Variants in PRKG1 observed in about 807,000 individuals in gnomAD.
PRKG1 encodes protein kinase cGMP-dependent 1.
In PRKG1, 35 loss-of-function variants were observed where a neutral mutation model predicts 88.1. The observed-to-expected ratio is 0.40, with a 90% CI of 0.30 to 0.53. The LOEUF is 0.53. Among genes scored for constraint, PRKG1 ranks in the 20% least tolerant of loss-of-function variants. PRKG1 has a pLI of 0.59. For missense variants in PRKG1, 540 were observed against 839.8 expected (o/e 0.64, Z 4.41); for synonymous variants, 303 against 292.5 (o/e 1.04, Z -0.37).
intron 3 of PRKG1, among the ~76,000 whole-genome samples, chr10:51,657,165 C>T (rs1322482960): frequency 6.6e-6 from 1 of 152,022 alleles, no homozygotes; most frequent in African/African-American, 2.4e-5. Context: ...ATGTTGTTTC[C>T]TCCATTTGAA....
chr10:51,935,036 C>T (rs1382294306), intron 5 of PRKG1, among the ~76,000 whole-genome samples: 2 of 152,064 alleles, frequency 1.3e-5, no homozygotes, highest in African/African-American at 4.8e-5. Flanking sequence ...GAACTGGTGA[C>T]ACTGTACTCA....
At chr10:51,970,932 C>T (rs1438976087) in intron 5 of PRKG1, among the ~76,000 whole-genome samples, 1 of 150,540 alleles carries the variant, frequency 6.6e-6, no homozygotes, top group Non-Finnish European at 1.5e-5. Context: ...TCATAAATGC[C>T]AAAAGCTAGA....
At chr10:51,887,462 TCTA>T (rs1841600612) in intron 4 of PRKG1, among the ~76,000 whole-genome samples, 1 of 127,928 alleles carries the variant, frequency 7.8e-6, no homozygotes, top group African/African-American at 2.8e-5. Flanking sequence ...ATACAGTAGT[TCTA>T]TTTTAAATTT....
chr10:51,498,134 G>A (rs1405197038), intron 3 of PRKG1, among the ~76,000 whole-genome samples: 1 of 152,102 alleles, frequency 6.6e-6, no homozygotes, highest in Non-Finnish European at 1.5e-5. Flanking sequence ...TCGGTGTCAA[G>A]CACTGTGCTG....
chr10:52,008,302 A>ATTATGTG (rs1844790512), intron 5 of PRKG1, among the ~76,000 whole-genome samples: 1 of 152,138 alleles, frequency 6.6e-6, no homozygotes, highest in African/African-American at 2.4e-5. Context: ...GGAAATTGAA[A>ATTATGTG]CGTGTAAAAC....
chr10:51,874,689 C>T (rs1237717992), intron 4 of PRKG1, among the ~76,000 whole-genome samples: 3 of 152,028 alleles, frequency 2.0e-5, no homozygotes, highest in Non-Finnish European at 4.4e-5. Flanking sequence ...AATATATGTA[C>T]CTTAAATGGT....
chr10:51,742,295 G>A (rs1327999411), intron 3 of PRKG1, among the ~76,000 whole-genome samples: 1 of 152,094 alleles, frequency 6.6e-6, no homozygotes, highest in East Asian at 1.9e-4. Context: ...AATATCTGAG[G>A]ACCTGCTTCC....
intron 4 of PRKG1, among the ~76,000 whole-genome samples, chr10:51,862,922 T>C (rs775815447): frequency 2.6e-5 from 4 of 152,206 alleles, no homozygotes; most frequent in Non-Finnish European, 4.4e-5. Context: ...ATTATCAATA[T>C]AATATCACTG....
At chr10:51,084,995 G>T (rs951926455) in intron 1 of PRKG1, among the ~76,000 whole-genome samples, 6 of 152,190 alleles carry the variant, frequency 3.9e-5, no homozygotes, top group African/African-American at 7.2e-5. Flanking sequence ...TAATGGTCCA[G>T]TTTTATCAGT....
chr10:52,199,194 T>A (rs148333600), intron 9 of PRKG1, among the ~76,000 whole-genome samples: 1 of 152,176 alleles, frequency 6.6e-6, no homozygotes, highest in Admixed American at 6.5e-5. Flanking sequence ...CCTCACCTTC[T>A]AACCCTGACA....
At chr10:51,001,060 G>C (rs1266365274) in intron 1 of PRKG1, among the ~76,000 whole-genome samples, 1 of 152,162 alleles carries the variant, frequency 6.6e-6, no homozygotes, top group Non-Finnish European at 1.5e-5. Flanking sequence ...AGTCATTCTG[G>C]TTAAAAATTG....
At chr10:51,724,295 G>T (rs1317839099) in intron 3 of PRKG1, among the ~76,000 whole-genome samples, 5 of 152,262 alleles carry the variant, frequency 3.3e-5, no homozygotes, top group Non-Finnish European at 7.4e-5. Flanking sequence ...TGCTGATATG[G>T]AAGTTTCTCC....
intron 3 of PRKG1, among the ~76,000 whole-genome samples, chr10:51,623,013 C>A (rs1036818621): frequency 1.8e-4 from 28 of 152,080 alleles, no homozygotes; most frequent in Non-Finnish European, 3.8e-4. Flanking sequence ...TTAAAAATAC[C>A]AAAACAATAC....
chr10:51,833,715 C>T (rs1840059940), intron 4 of PRKG1, among the ~76,000 whole-genome samples: 1 of 152,054 alleles, frequency 6.6e-6, no homozygotes, highest in African/African-American at 2.4e-5. Flanking sequence ...TAAAAATTAA[C>T]TCTTTTAGGT....
Position 52,293,791 on chromosome 10 carries a change from A to G in PRKG1, c.1963-11A>G. ...AAAATCCACTAAAAAAAACCTGTCCATTTTTTACAGGTTGCATCACCCACA... is the reference window on the plus strand; with the variant it reads ...AAAATCCACTAAAAAAAACCTGTCCGTTTTTTACAGGTTGCATCACCCACA... On this transcript the variant is annotated splice_polypyrimidine_tract_variant and intron_variant, in intron 17 of 17. Transcript: ENST00000373980. 1.2e-6 allele frequency: 2 copies of G among 1,606,982 alleles called. No homozygotes were observed. Among genetic ancestry groups the G allele is most frequent in the Non-Finnish European group, 1.7e-6 (2 of 1,176,256 alleles).
intron 9 of PRKG1, among the ~76,000 whole-genome samples, chr10:52,195,580 G>C (rs912143766): frequency 7.9e-5 from 12 of 152,002 alleles, no homozygotes; most frequent in Admixed American, 5.9e-4. Flanking sequence ...AAACACAAGC[G>C]TGTTTTTAAA....
chr10:51,404,319 T>C (rs984667411), intron 2 of PRKG1, among the ~76,000 whole-genome samples: 1 of 152,242 alleles, frequency 6.6e-6, no homozygotes, highest in Non-Finnish European at 1.5e-5. Flanking sequence ...ACATGCATAT[T>C]CATAAACTTT....
chr10:51,185,798 A>C (rs1163028415), intron 2 of PRKG1, among the ~76,000 whole-genome samples: 2 of 151,376 alleles, frequency 1.3e-5, no homozygotes, highest in Non-Finnish European at 3.0e-5. Context: ...TATTTGAGTT[A>C]TTTCTTTTTT....
At chr10:51,436,398 T>C (rs1415830243) in intron 2 of PRKG1, among the ~76,000 whole-genome samples, 2 of 151,734 alleles carry the variant, frequency 1.3e-5, no homozygotes, top group Non-Finnish European at 2.9e-5. Context: ...TGCTGCAGTT[T>C]TTTCTCGTCA....
Sources: allele counts gnomAD v4.1 joint callset (sites outside exome capture counted in the v4.1 genomes callset), GRCh38; gene constraint gnomAD v4.1.1; transcripts MANE v1.5; gene names NCBI Gene and HGNC (gene_info 2026-07-23, HGNC 2026-07-21).